UCHL5: variants seen among roughly 807,000 people sequenced by gnomAD.
UCHL5 encodes ubiquitin C-terminal hydrolase L5.
A neutral mutation model predicts 53.8 loss-of-function variants in UCHL5; 34 were observed. The observed-to-expected ratio is 0.63, with a 90% confidence interval of 0.48 to 0.84. The LOEUF (loss-of-function observed/expected upper bound fraction) is 0.84. UCHL5 is among the 40% of genes least tolerant of loss of function. The pLI, the probability that UCHL5 is intolerant of heterozygous loss-of-function variation, is 0.00. For synonymous variants in UCHL5, 111 were observed against 126.3 expected (o/e 0.88, Z 0.81); for missense variants, 290 against 385.6 (o/e 0.75, Z 2.08).
At chr1:193,044,275 C>G (rs759039597) in intron 3 of UCHL5, among the ~76,000 whole-genome samples, 3 of 152,120 alleles carry the variant, frequency 2.0e-5, no homozygotes, top group Non-Finnish European at 2.9e-5. Flanking sequence ...TTTCATTCTC[C>G]AAGCACCACA....
intron 3 of UCHL5, among the ~76,000 whole-genome samples, chr1:193,041,288 T>A (rs1000937882): frequency 3.3e-5 from 5 of 152,202 alleles, no homozygotes; most frequent in East Asian, 3.9e-4. Flanking sequence ...TAAATTTTTT[T>A]TAAAAAAAGC....
intron 10 of UCHL5, among the ~76,000 whole-genome samples, chr1:193,017,767 T>A (rs1161277803): frequency 6.6e-6 from 1 of 151,454 alleles, no homozygotes; most frequent in African/African-American, 2.4e-5. Flanking sequence ...AAAATAATTA[T>A]CACAATTAAT....
chr1:193,034,862 G>A (rs150508524), intron 3 of UCHL5, among the ~76,000 whole-genome samples: 15 of 151,792 alleles, frequency 9.9e-5, no homozygotes, highest in African/African-American at 3.4e-4. Context: ...TCTCAATAGA[G>A]GCAGAAAAAG....
intron 10 of UCHL5, chr1:193,020,478 T>C (rs1284349895): frequency 6.5e-7 from 1 of 1,528,218 alleles, no homozygotes; most frequent in Non-Finnish European, 8.8e-7. Context: ...CCAGGTAACA[T>C]GTATTTTAAA....
intron 4 of UCHL5, 28 bp from the exon 5 acceptor site, chr1:193,029,477 T>A: frequency 6.2e-7 from 1 of 1,613,348 alleles, no homozygotes; most frequent in Non-Finnish European, 8.5e-7. Context: ...AGTAGCCTAT[T>A]AATATACAAA....
rs200756196 is a variant in UCHL5, at chr1:193,029,677, A to G, written c.247-20T>C. ...AATTACCTATAAAATATAAAAGTGA[A>G]GATATCAATGTGTTTAAAAAAATAA... On this transcript the variant is annotated intron_variant, in intron 3 of 10. Transcript: ENST00000367454. 5.2e-5 allele frequency: 81 copies of G among 1,564,820 alleles called. No individual in the cohort carries two copies. In the East Asian group the frequency reaches 1.5e-3, roughly 28 times the overall value.
At chr1:193,037,172 CTT>C (rs1663841155) in intron 3 of UCHL5, among the ~76,000 whole-genome samples, 1 of 151,034 alleles carries the variant, frequency 6.6e-6, no homozygotes, top group East Asian at 1.9e-4. Flanking sequence ...GAAATCGAGA[CTT>C]AAAAAAACAA....
At chr1:193,039,091 T>G (rs550087239) in intron 3 of UCHL5, among the ~76,000 whole-genome samples, 2 of 152,114 alleles carry the variant, frequency 1.3e-5, no homozygotes, top group African/African-American at 2.4e-5. Context: ...AAAATCCTAT[T>G]TAAAAGAGCT....
chr1:193,039,978 C>T (rs1049610613), intron 3 of UCHL5, among the ~76,000 whole-genome samples: 1 of 152,008 alleles, frequency 6.6e-6, no homozygotes, highest in Non-Finnish European at 1.5e-5. Context: ...AGTGTCCCAC[C>T]GTACACAAAA....
In UCHL5 at chr1:193,013,930, G is replaced by A. The variant is rs1654522074; in HGVS notation, c.*2421C>T. ...GAACTAAACATATAAGGTGAGAGTAGCCAGTGCCGCAGCTGTTGGCAAGGT... is the reference window on the plus strand; with the variant it reads ...GAACTAAACATATAAGGTGAGAGTAACCAGTGCCGCAGCTGTTGGCAAGGT... On this transcript the variant is annotated 3_prime_UTR_variant, in exon 11 of 11. Transcript: ENST00000367454. 1 of 152,138 alleles carries A rather than the reference G, an allele frequency of 6.6e-6. No individual in the cohort carries two copies. The highest frequency in any genetic ancestry group is 2.1e-4 in the South Asian group (1 of 4,832). 9.4% of individuals were successfully genotyped at this position (152,138 alleles called of 1,614,324 possible).
At chr1:193,033,684 A>G (rs1350402818) in intron 3 of UCHL5, among the ~76,000 whole-genome samples, 3 of 152,162 alleles carry the variant, frequency 2.0e-5, no homozygotes, top group African/African-American at 7.2e-5. Context: ...AAAAGTATAA[A>G]TGTCCTGCTC....
At chr1:193,043,151 TAAAAA>T (rs200951342) in intron 3 of UCHL5, among the ~76,000 whole-genome samples, 2,383 of 36,484 alleles carry the variant, frequency 0.065, 158 homozygotes, top group Middle Eastern at 0.14. Context: ...TCTTGAATAT[TAAAAA>T]AAAAAAAAAA....
chr1:193,016,298 T>G lies in UCHL5; in HGVS notation c.*53A>C. ...GCTCTAAGTTCTTTATACATAATGGTTTCCATGAAAATATGTGCAGAAGCA... is the reference window on the plus strand; with the variant it reads ...GCTCTAAGTTCTTTATACATAATGGGTTCCATGAAAATATGTGCAGAAGCA... On this transcript the variant is annotated 3_prime_UTR_variant, in exon 11 of 11. Transcript: ENST00000367454. The G allele has an allele frequency of 2.5e-6, 4 of 1,590,310 alleles. No individual in the cohort carries two copies. Among genetic ancestry groups the G allele is most frequent in the Middle Eastern group, 1.7e-4 (1 of 5,982 alleles).
At chr1:193,052,714 T>C (rs1669446847) in intron 1 of UCHL5, among the ~76,000 whole-genome samples, 1 of 152,204 alleles carries the variant, frequency 6.6e-6, no homozygotes, top group African/African-American at 2.4e-5. Flanking sequence ...ATGTAGAAGA[T>C]AATTTAATTC....
rs374671238 is a variant in UCHL5 at position 193,059,082 on chromosome 1, C to T, written c.76+103G>A. 1.1e-4 allele frequency: 136 copies of T among 1,268,566 alleles called. 1 individual carries two copies. The East Asian group carries it at 1.2e-3, about 12-fold the overall frequency. The allele number at this position is 1,268,566 out of a possible 1,614,324, so 78.6% of individuals were successfully genotyped here. A position where few individuals can be genotyped will look rare whatever the true frequency, so the allele number is the denominator to read the frequency against. On this transcript the variant is annotated intron_variant, in intron 1 of 10. Transcript: ENST00000367454. This position sits in a 1 kb window ranked among gnomAD's most constrained non-coding sequence, Gnocchi z 4.9. ...CCCGGACTCCAGGTTCCTGAAGTCA[C>T]CTCTCCAGACGCGGGGCGGCGGTGG...
chr1:193,030,768 T>C (rs1308231070), intron 3 of UCHL5, among the ~76,000 whole-genome samples: 1 of 152,174 alleles, frequency 6.6e-6, no homozygotes, highest in African/African-American at 2.4e-5. Context: ...AAAAATTCAA[T>C]TATTTTCCTT....
At chr1:193,039,126 T>C (rs1281764189) in intron 3 of UCHL5, among the ~76,000 whole-genome samples, 1 of 152,124 alleles carries the variant, frequency 6.6e-6, no homozygotes, top group Non-Finnish European at 1.5e-5. Flanking sequence ...GTAGGCCAGG[T>C]GCAGTGGCTC....
chr1:193,025,138 C>A (rs1393986080), intron 7 of UCHL5, among the ~76,000 whole-genome samples: 1 of 152,050 alleles, frequency 6.6e-6, no homozygotes, highest in African/African-American at 2.4e-5. Context: ...TACCAACAGG[C>A]ACAGACAAAA....
chr1:193,059,160 C>A lies in UCHL5; in HGVS notation c.76+25G>T. The A allele has an allele frequency of 6.4e-7, 1 of 1,558,714 alleles. No homozygotes were observed. The highest frequency in any genetic ancestry group is 8.7e-7 in the Non-Finnish European group (1 of 1,149,412). On this transcript the variant is annotated intron_variant, in intron 1 of 10. Coordinates refer to ENST00000367454, the MANE Select transcript of UCHL5 (RefSeq NM_001199261.3). This position sits in a 1 kb window ranked among gnomAD's most constrained non-coding sequence, Gnocchi z 4.9. ...TGGGCCTCCTCCCGTGACCCCAGGC[C>A]CAGGACGGTCCCCTTGGTTCTCACC... is the stretch of plus-strand genomic sequence containing the variant.
Sources: allele counts gnomAD v4.1 joint callset (sites outside exome capture counted in the v4.1 genomes callset), GRCh38; gene constraint gnomAD v4.1.1; non-coding constraint Gnocchi (gnomAD v3.1); transcripts MANE v1.5; gene names NCBI Gene and HGNC (gene_info 2026-07-23, HGNC 2026-07-21).